The following RIMS1 variants were observed in gnomAD, a reference collection of about 807,000 sequenced individuals.
RIMS1 encodes regulating synaptic membrane exocytosis protein 1.
In RIMS1, 83 loss-of-function variants were observed where a neutral mutation model predicts 214.1. The ratio of observed to expected loss-of-function variants is 0.39; its 90% CI spans 0.32 to 0.47. RIMS1 has a LOEUF of 0.47. Among genes scored for constraint, RIMS1 ranks in the 20% least tolerant of loss-of-function variants. RIMS1 has a pLI of 0.99. For synonymous variants in RIMS1, 793 were observed against 786.8 expected (o/e 1.01, Z -0.13); for missense variants, 2,050 against 2,161.8 (o/e 0.95, Z 1.03).
In RIMS1 at chr6:72,128,996, G is replaced by A. The variant is rs192927001; in HGVS notation, c.471+29010G>A. On this transcript the variant is annotated intron_variant, in intron 4 of 33. Coordinates refer to ENST00000521978, the MANE Select transcript of RIMS1 (RefSeq NM_014989.7). Reference sequence around the variant, plus strand: ...AAATCAACTCAGAATCTGTAACATAGCATAATTATTGTTCCCATTTCATTA... The same window carrying A: ...AAATCAACTCAGAATCTGTAACATAACATAATTATTGTTCCCATTTCATTA... Among the ~76,000 whole-genome samples, 331 of 152,236 alleles carry A rather than the reference G, an allele frequency of 2.2e-3. 1 individual carries two copies. Among genetic ancestry groups the A allele is most frequent in the Middle Eastern group, 0.02 (6 of 294 alleles).
At chr6:71,902,021 A>G (rs895081749) in intron 1 of RIMS1, among the ~76,000 whole-genome samples, 2 of 152,124 alleles carry the variant, frequency 1.3e-5, no homozygotes, top group African/African-American at 4.8e-5. Context: ...AAGCATGAGA[A>G]GATAGCTAGA....
At chr6:72,208,604 CT>C (rs758520177) in intron 6 of RIMS1, among the ~76,000 whole-genome samples, 6 of 152,100 alleles carry the variant, frequency 3.9e-5, no homozygotes, top group Non-Finnish European at 8.8e-5. Flanking sequence ...TCTGATTATC[CT>C]TTAAATATCT....
In RIMS1 at chr6:71,886,878, T is replaced by A; in HGVS notation, c.-146T>A. 1.2e-6 allele frequency: 1 copy of A among 821,492 alleles called. No homozygotes were observed. 50.9% of individuals were successfully genotyped at this position (821,492 alleles called of 1,614,324 possible). The stretch of plus-strand genomic sequence containing the variant: ...TCGCTCTCCCCGGCTCTGCTGCTGC[T>A]GCTGCTGCCGCCGCCGCCGCTGCTC... On this transcript the variant is annotated 5_prime_UTR_variant, in exon 1 of 34. Transcript: ENST00000521978.
chr6:72,397,388 T>C (rs1369907887), intron 31 of RIMS1, among the ~76,000 whole-genome samples: 2 of 152,182 alleles, frequency 1.3e-5, no homozygotes, highest in Admixed American at 6.5e-5. Context: ...TTTAACCAGA[T>C]TGGCAAAAAT....
intron 2 of RIMS1, among the ~76,000 whole-genome samples, chr6:72,074,217 T>G (rs1831244376): frequency 6.6e-6 from 1 of 152,206 alleles, no homozygotes; most frequent in Admixed American, 6.5e-5. Flanking sequence ...CTAAAGGGAT[T>G]CATGAAATAA....
chr6:71,933,095 A>T (rs1383975385), intron 1 of RIMS1, among the ~76,000 whole-genome samples: 1 of 152,174 alleles, frequency 6.6e-6, no homozygotes, highest in Non-Finnish European at 1.5e-5. Flanking sequence ...TGCTTCAGAT[A>T]TGTATAAAGA....
chr6:71,967,242 A>G (rs1561989265), intron 1 of RIMS1, among the ~76,000 whole-genome samples: 1 of 151,814 alleles, frequency 6.6e-6, no homozygotes, highest in Non-Finnish European at 1.5e-5. Context: ...CAAAAAATTA[A>G]CCAGGCGTGG....
At chr6:72,126,727 A>G (rs897236299) in intron 4 of RIMS1, 3 of 248,100 alleles carry the variant, frequency 1.2e-5, no homozygotes, top group African/African-American at 4.6e-5. Flanking sequence ...CAACAATGAT[A>G]TACCACCTGC....
chr6:72,153,930 T>C (rs2044081064), intron 4 of RIMS1, among the ~76,000 whole-genome samples: 1 of 152,124 alleles, frequency 6.6e-6, no homozygotes, highest in South Asian at 2.1e-4. Flanking sequence ...AAAATAGAAC[T>C]TCTTTGCATG....
intron 22 of RIMS1, among the ~76,000 whole-genome samples, chr6:72,271,889 T>C (rs772936607): frequency 1.9e-4 from 29 of 152,176 alleles, no homozygotes; most frequent in Non-Finnish European, 3.8e-4. Flanking sequence ...TATTTCCTTC[T>C]GCAGGGAGTT....
intron 29 of RIMS1, among the ~76,000 whole-genome samples, chr6:72,353,281 G>A (rs62407519): frequency 2.0e-5 from 3 of 151,920 alleles, no homozygotes; most frequent in Non-Finnish European, 4.4e-5. Flanking sequence ...CACCACGTCC[G>A]GCTGAGTTTA....
intron 4 of RIMS1, among the ~76,000 whole-genome samples, chr6:72,130,029 A>C (rs1368057435): frequency 6.6e-6 from 1 of 152,176 alleles, no homozygotes; most frequent in Non-Finnish European, 1.5e-5. Flanking sequence ...AATAAGTAGA[A>C]TTAAAACCAG....
At chr6:71,893,824 G>A (rs573187919) in intron 1 of RIMS1, among the ~76,000 whole-genome samples, 4 of 152,136 alleles carry the variant, frequency 2.6e-5, no homozygotes, top group African/African-American at 4.8e-5. Context: ...CTGTTCATAC[G>A]AATGCTTACT....
chr6:72,094,106 T>C (rs2030261057), intron 2 of RIMS1, among the ~76,000 whole-genome samples: 1 of 127,432 alleles, frequency 7.8e-6, no homozygotes, highest in African/African-American at 2.5e-5. Flanking sequence ...ATGAACTTGT[T>C]TGTAAGTTGT....
intron 4 of RIMS1, among the ~76,000 whole-genome samples, chr6:72,118,476 A>T (rs776408727): frequency 6.6e-6 from 1 of 151,648 alleles, no homozygotes; most frequent in Non-Finnish European, 1.5e-5. Context: ...ACGTTCTATG[A>T]AGCCAGTATT....
chr6:72,131,908 A>C (rs2040510946), intron 4 of RIMS1, among the ~76,000 whole-genome samples: 1 of 152,168 alleles, frequency 6.6e-6, no homozygotes, highest in African/African-American at 2.4e-5. Flanking sequence ...CCTTGCTGAG[A>C]AAAACAATTC....
At position 72,218,981 on chromosome 6, in the gene RIMS1, A is replaced by G. The variant is rs921778887; in HGVS notation, c.1679-14792A>G. ...TTAGGAAGATCTTCAAGGAGAATAG[A>G]TATTTTCATTTTGAAGTATTACCTG... is the stretch of plus-strand genomic sequence containing the variant. On this transcript the variant is annotated intron_variant, in intron 6 of 33. Transcript: ENST00000521978. Among the ~76,000 whole-genome samples the G allele has an allele frequency of 3.3e-5, 5 of 152,290 alleles. 1 individual carries two copies. Among genetic ancestry groups the G allele is most frequent in the Admixed American group, 2.6e-4 (4 of 15,292 alleles).
At chr6:71,903,568 C>G (rs9342904) in intron 1 of RIMS1, among the ~76,000 whole-genome samples, 10,255 of 152,114 alleles carry the variant, frequency 0.067, 482 homozygotes, top group East Asian at 0.2. Flanking sequence ...GAACAGACAG[C>G]CTACAGAATG....
At chr6:72,241,315 T>C (rs1366244424) in intron 9 of RIMS1, among the ~76,000 whole-genome samples, 2 of 152,138 alleles carry the variant, frequency 1.3e-5, no homozygotes, top group African/African-American at 4.8e-5. Flanking sequence ...AAAATAAGCA[T>C]GAGCATCAAC....
Sources: allele counts gnomAD v4.1 joint callset (sites outside exome capture counted in the v4.1 genomes callset), GRCh38; gene constraint gnomAD v4.1.1; transcripts MANE v1.5; gene names NCBI Gene and HGNC (gene_info 2026-07-23, HGNC 2026-07-21).